CADM1: variants seen among roughly 807,000 people sequenced by gnomAD.
The protein encoded by CADM1 is TSLC-1.
In CADM1, 15 loss-of-function variants were observed where a neutral mutation model predicts 53.1. The observed-to-expected ratio is 0.28, with a 90% CI of 0.19 to 0.44. CADM1 has a LOEUF of 0.44. Ranked by LOEUF, CADM1 falls within the 20% of genes least tolerant of loss-of-function variation. CADM1 has a pLI of 1.00. For synonymous variants in CADM1, 281 were observed against 243.0 expected, an observed-to-expected ratio of 1.16 and a Z score of -1.45; for missense variants, 434 against 611.3, an observed-to-expected ratio of 0.71 and a Z score of 3.06.
intron 1 of CADM1, among the ~76,000 whole-genome samples, chr11:115,472,839 T>C (rs758339516): frequency 6.6e-6 from 1 of 152,240 alleles, no homozygotes; most frequent in Non-Finnish European, 1.5e-5. Flanking sequence ...GTTAAAGATA[T>C]TGAAAATTAA....
At chr11:115,198,355 T>A in intron 9 of CADM1, 51 bp downstream of exon 9, 1 of 1,452,602 alleles carries the variant, frequency 6.9e-7, no homozygotes, top group Non-Finnish European at 9.5e-7. Flanking sequence ...CAGGCTTGCC[T>A]TGCCTCTCAG....
At chr11:115,478,118 ATCAT>A (rs1786456085) in intron 1 of CADM1, among the ~76,000 whole-genome samples, 2 of 152,326 alleles carry the variant, frequency 1.3e-5, no homozygotes, top group Middle Eastern at 6.8e-3. Context: ...TATCCCAATA[ATCAT>A]TCAAATACTT....
intron 5 of CADM1, among the ~76,000 whole-genome samples, chr11:115,222,309 G>A (rs1442942072): frequency 6.6e-6 from 1 of 152,142 alleles, no homozygotes; most frequent in Non-Finnish European, 1.5e-5. Flanking sequence ...GATTTGGTGA[G>A]TGTTAGAAGC....
In CADM1 at chr11:115,175,249, G is replaced by T; in HGVS notation, c.*1225C>A. ...CCCTTCTTTTGTACCTCCTGCCTTT[G>T]TCAAGCCAAATCTGAAGGAATGAAA... is the stretch of plus-strand genomic sequence containing the variant. On this transcript the variant is annotated 3_prime_UTR_variant, in exon 12 of 12. Coordinates refer to ENST00000331581, the MANE Select transcript of CADM1 (RefSeq NM_001301043.2). The T allele has an allele frequency of 3.0e-6, 3 of 985,620 alleles. No individual in the cohort carries two copies. In the South Asian group the frequency reaches 1.4e-4, roughly 46 times the overall value. The allele number at this position is 985,620 out of a possible 1,614,324, so 61.1% of individuals were successfully genotyped here.
At chr11:115,369,015 G>GAAAAAAAATCT (rs1946242919) in intron 1 of CADM1, among the ~76,000 whole-genome samples, 2 of 22,314 alleles carry the variant, frequency 9.0e-5, no homozygotes, top group Admixed American at 5.9e-4. Context: ...CTAGCAGAGT[G>GAAAAAAAATCT]AAAAAAAATC....
intron 10 of CADM1, among the ~76,000 whole-genome samples, chr11:115,184,862 C>A (rs1379085678): frequency 6.6e-6 from 1 of 152,190 alleles, no homozygotes; most frequent in African/African-American, 2.4e-5. Context: ...CTCAAATGAT[C>A]AGGACTCAGG....
intron 1 of CADM1, among the ~76,000 whole-genome samples, chr11:115,368,113 T>A (rs1342992383): frequency 7.6e-6 from 1 of 132,242 alleles, no homozygotes; most frequent in African/African-American, 2.9e-5. Context: ...CTAGAGTCTT[T>A]TTTTTTTTTT....
intron 1 of CADM1, among the ~76,000 whole-genome samples, chr11:115,371,352 A>G (rs1946301836): frequency 6.6e-6 from 1 of 152,178 alleles, no homozygotes; most frequent in Non-Finnish European, 1.5e-5. Flanking sequence ...ATAAAGTGGT[A>G]TAACATCATT....
At chr11:115,407,789 G>A (rs1280540894) in intron 1 of CADM1, among the ~76,000 whole-genome samples, 2 of 146,278 alleles carry the variant, frequency 1.4e-5, no homozygotes, top group African/African-American at 5.0e-5. Context: ...AGGGTCACCT[G>A]AGCCTGGGGG....
chr11:115,482,551 A>AGAG (rs1949281505), intron 1 of CADM1, among the ~76,000 whole-genome samples: 1 of 152,140 alleles, frequency 6.6e-6, no homozygotes, highest in Non-Finnish European at 1.5e-5. Flanking sequence ...CTCTATATTC[A>AGAG]CTGTAGCCCA....
At chr11:115,326,811 C>A (rs115314319) in intron 1 of CADM1, among the ~76,000 whole-genome samples, 1 of 152,092 alleles carries the variant, frequency 6.6e-6, no homozygotes, top group Non-Finnish European at 1.5e-5. Flanking sequence ...CAAACGACTG[C>A]CTTTAAAACA....
intron 1 of CADM1, among the ~76,000 whole-genome samples, chr11:115,279,814 C>T (rs1380593271): frequency 2.0e-5 from 3 of 152,194 alleles, no homozygotes; most frequent in Non-Finnish European, 4.4e-5. Flanking sequence ...ATGGGCACCG[C>T]ATTCAGTTTA....
At chr11:115,191,068 C>T in intron 9 of CADM1, 127 bp from the exon 10 acceptor site, 1 of 741,618 alleles carries the variant, frequency 1.3e-6, no homozygotes, top group South Asian at 1.7e-5. Context: ...TTTTTGATAG[C>T]ATGAATGTAT....
rs144297780 is a variant in CADM1, at chr11:115,198,258, T to G, written c.1111+148A>C. The G allele has an allele frequency of 2.0e-3, 1,212 of 617,710 alleles. 6 individuals are homozygous for G. Among genetic ancestry groups the G allele is most frequent in the Non-Finnish European group, 2.6e-3 (938 of 356,454 alleles). 38.3% of individuals were successfully genotyped at this position (617,710 alleles called of 1,614,324 possible). A position where few individuals can be genotyped will look rare whatever the true frequency, so the allele number is the denominator to read the frequency against. ...ACAGAAATGACAAGACTCGACATCT[T>G]TTCAAACCTTAAAAAATTATAGTAT... is the stretch of plus-strand genomic sequence containing the variant. On this transcript the variant is annotated intron_variant, in intron 9 of 11. Coordinates refer to ENST00000331581, the MANE Select transcript of CADM1 (RefSeq NM_001301043.2).
intron 1 of CADM1, among the ~76,000 whole-genome samples, chr11:115,412,985 C>T (rs1162419787): frequency 6.6e-6 from 1 of 152,146 alleles, no homozygotes; most frequent in Non-Finnish European, 1.5e-5. Context: ...ATTCTCACTG[C>T]AATTTCACTG....
chr11:115,373,450 T>A (rs1351889520), intron 1 of CADM1, among the ~76,000 whole-genome samples: 1 of 151,476 alleles, frequency 6.6e-6, no homozygotes, highest in Non-Finnish European at 1.5e-5. Flanking sequence ...CAGGGTGTGG[T>A]GGTGCACGCC....
chr11:115,178,605 T>G, intron 11 of CADM1, 39 bp downstream of exon 11: 1 of 1,606,754 alleles, frequency 6.2e-7, no homozygotes, highest in Non-Finnish European at 8.5e-7. Context: ...GCAGAAGCTG[T>G]GGGGACACGC....
intron 1 of CADM1, among the ~76,000 whole-genome samples, chr11:115,241,347 C>G (rs554157218): frequency 6.6e-6 from 1 of 152,292 alleles, no homozygotes; most frequent in Middle Eastern, 3.4e-3. Flanking sequence ...GTAGGGGATA[C>G]AGAAGTATAT....
chr11:115,246,967 T>G (rs1295763809), intron 1 of CADM1, among the ~76,000 whole-genome samples: 1 of 152,126 alleles, frequency 6.6e-6, no homozygotes, highest in Non-Finnish European at 1.5e-5. Context: ...CAATTAAAAT[T>G]GTTGATTTCC....
Sources: allele counts gnomAD v4.1 joint callset (sites outside exome capture counted in the v4.1 genomes callset), GRCh38; gene constraint gnomAD v4.1.1; transcripts MANE v1.5; gene names NCBI Gene and HGNC (gene_info 2026-07-23, HGNC 2026-07-21).